PSD2: variants seen among roughly 807,000 people sequenced by gnomAD.
PSD2 encodes the protein pleckstrin and Sec7 domain containing 2, also known as PH and SEC7 domain-containing protein 2.
PSD2 carries 38 observed loss-of-function variants against 69.8 expected under a neutral mutation model. The ratio of observed to expected loss-of-function variants is 0.54; its 90% CI spans 0.42 to 0.71. PSD2 has a LOEUF of 0.71. PSD2 is among the 30% of genes least tolerant of loss of function. The pLI is 0.00. For synonymous variants in PSD2, 412 were observed against 423.0 expected, an observed-to-expected ratio of 0.97 and a Z score of 0.32; for missense variants, 943 against 1,014.5, an observed-to-expected ratio of 0.93 and a Z score of 0.96.
At chr5:139,774,860 G>A in the PSD2 span, among the ~76,000 whole-genome samples, 1 of 152,346 alleles carries the variant, frequency 6.6e-6, no homozygotes, top group South Asian at 2.1e-4. Flanking sequence ...GCACAGGGGA[G>A]GGACGGGGCC....
At chr5:139,747,257 C>T in the PSD2 span, among the ~76,000 whole-genome samples, 2 of 152,148 alleles carry the variant, frequency 1.3e-5, no homozygotes, top group Admixed American at 1.3e-4. This position sits in a 1 kb window ranked among gnomAD's most constrained non-coding sequence, Gnocchi z 6.7. Flanking sequence ...CAGTTACCCC[C>T]AACCCCCCGC....
chr5:139,834,189 C>T (rs1760660023), intron 8 of PSD2, among the ~76,000 whole-genome samples: 1 of 152,160 alleles, frequency 6.6e-6, no homozygotes, highest in African/African-American at 2.4e-5. Context: ...TCTTTTGAGG[C>T]TGAAGTGAAG....
the PSD2 span, among the ~76,000 whole-genome samples, chr5:139,763,921 C>T: frequency 5.3e-5 from 8 of 152,172 alleles, no homozygotes; most frequent in Non-Finnish European, 1.2e-4. Context: ...CTCATCTGTG[C>T]TTCGGAAATT....
chr5:139,784,181 C>T, the PSD2 span, among the ~76,000 whole-genome samples: 1 of 151,814 alleles, frequency 6.6e-6, no homozygotes, highest in Non-Finnish European at 1.5e-5. Context: ...CTCAAGCGAT[C>T]CACCCGCCTC....
chr5:139,817,758 A>C (rs1379524191), intron 5 of PSD2, among the ~76,000 whole-genome samples, 197 bp downstream of exon 5: 2 of 152,054 alleles, frequency 1.3e-5, no homozygotes, highest in African/African-American at 4.8e-5. Flanking sequence ...AGCTGTTAGG[A>C]TGTGAGGGTG....
At chr5:139,744,606 G>A in the PSD2 span, among the ~76,000 whole-genome samples, 10 of 152,130 alleles carry the variant, frequency 6.6e-5, no homozygotes, top group South Asian at 6.2e-4. Context: ...TGGCAGCGGC[G>A]GGGGTGGGGG....
rs773387541 is a variant in PSD2 at position 139,836,937 on chromosome 5, T to C, written c.1530T>C (p.Ser510=). ...NPFLDVPQAL[S]ATTYKHGVLT... is the part of the protein sequence containing the mutation. Reference sequence around the variant, plus strand: ...TCCTGGATGTCCCACAGGCGCTCAGTGCCACCACCTACAAGCACGGCGTCC... The same window carrying C: ...TCCTGGATGTCCCACAGGCGCTCAGCGCCACCACCTACAAGCACGGCGTCC... Residue 510 remains serine, a synonymous_variant, in exon 10 of 15, where the codon AGT becomes AGC. Transcript: ENST00000274710. 3.7e-6 allele frequency: 6 copies of C among 1,614,098 alleles called. No homozygotes were observed. The highest frequency in any genetic ancestry group is 2.2e-5 in the South Asian group (2 of 91,078).
chr5:139,833,916 C>T, intron 8 of PSD2, 125 bp downstream of exon 8: 1 of 744,276 alleles, frequency 1.3e-6, no homozygotes, highest in East Asian at 2.5e-5. Context: ...GCCATGATGA[C>T]AAAGTTAGAA....
chr5:139,817,194 G>A (rs1287649716), intron 4 of PSD2, among the ~76,000 whole-genome samples: 1 of 152,180 alleles, frequency 6.6e-6, no homozygotes, highest in Non-Finnish European at 1.5e-5. Flanking sequence ...TCTTGGACAT[G>A]CCATGCAGTT....
chr5:139,829,706 A>G (rs1760522814), intron 7 of PSD2, among the ~76,000 whole-genome samples: 1 of 152,222 alleles, frequency 6.6e-6, no homozygotes, highest in East Asian at 1.9e-4. Context: ...TTGTATGGAT[A>G]TGCCACATTT....
chr5:139,824,490 A>G (rs1055581133), intron 7 of PSD2, among the ~76,000 whole-genome samples: 1 of 138,480 alleles, frequency 7.2e-6, no homozygotes, highest in African/African-American at 2.8e-5. Flanking sequence ...CTCGCCTCCC[A>G]GGTTCATGCC....
At chr5:139,759,422 C>A in the PSD2 span, among the ~76,000 whole-genome samples, 4 of 152,112 alleles carry the variant, frequency 2.6e-5, no homozygotes, top group Non-Finnish European at 4.4e-5. Context: ...CGCGGTCACC[C>A]GTGTCGGGAC....
At chr5:139,805,764 G>C (rs961076722) in intron 1 of PSD2, among the ~76,000 whole-genome samples, 1 of 152,172 alleles carries the variant, frequency 6.6e-6, no homozygotes, top group Non-Finnish European at 1.5e-5. Flanking sequence ...CTCAGGGAGC[G>C]GAAAGAAGGC....
chr5:139,793,406 A>G (rs1759454370), upstream of PSD2, among the ~76,000 whole-genome samples: 1 of 152,212 alleles, frequency 6.6e-6, no homozygotes, highest in South Asian at 2.1e-4. Flanking sequence ...CGGAGGGGAA[A>G]GGAAGGTTCA....
At chr5:139,748,193 C>G in the PSD2 span, among the ~76,000 whole-genome samples, 5 of 151,994 alleles carry the variant, frequency 3.3e-5, no homozygotes, top group South Asian at 1.0e-3. Context: ...CCCCCGCCCC[C>G]ACCCCACCTA....
chr5:139,786,253 C>T, the PSD2 span, among the ~76,000 whole-genome samples: 15 of 152,002 alleles, frequency 9.9e-5, no homozygotes, highest in South Asian at 1.5e-3. Context: ...GGTGTGGTGG[C>T]GGGTGCCTGT....
At chr5:139,817,961 C>T (rs563644954) in intron 5 of PSD2, among the ~76,000 whole-genome samples, 1 of 152,288 alleles carries the variant, frequency 6.6e-6, no homozygotes, top group South Asian at 2.1e-4. Context: ...GAGACTTCCC[C>T]ACAGTCATCG....
chr5:139,749,338 T>A, the PSD2 span, among the ~76,000 whole-genome samples: 2 of 152,254 alleles, frequency 1.3e-5, no homozygotes, highest in Non-Finnish European at 2.9e-5. Flanking sequence ...GCATTTTCTC[T>A]GACTGATTTG....
rs1270648165 is a variant in PSD2, at chr5:139,839,107, A to T, written c.1968+335A>T. On this transcript the variant is annotated intron_variant, in intron 13 of 14. Coordinates refer to ENST00000274710, the MANE Select transcript of PSD2 (RefSeq NM_032289.4). This position sits in a 1 kb window ranked among gnomAD's most constrained non-coding sequence, Gnocchi z 5.1. ...GTGTCACAGGGAGCTTGCACAGGTGACACCTGGCTGACGCTTCATCCAGTG... is the reference window on the plus strand; with the variant it reads ...GTGTCACAGGGAGCTTGCACAGGTGTCACCTGGCTGACGCTTCATCCAGTG... Among the ~76,000 whole-genome samples, 3 of 152,224 alleles carry T rather than the reference A, an allele frequency of 2.0e-5. No individual in the cohort carries two copies. The East Asian group carries it at 5.8e-4, about 29-fold the overall frequency.
Sources: gnomAD v4.1 joint callset for allele counts (sites outside exome capture counted in the v4.1 genomes callset) on GRCh38, gnomAD v4.1.1 for gene constraint, Gnocchi (gnomAD v3.1) non-coding constraint, MANE v1.5 for transcripts, NCBI Gene and HGNC (gene_info 2026-07-23, HGNC 2026-07-21) for gene names.